The following COL4A2 variants were observed in gnomAD, a reference collection of about 807,000 sequenced individuals.
COL4A2 encodes collagen type IV alpha 2 chain.
COL4A2 carries 99 observed loss-of-function variants against 200.2 expected under a neutral mutation model. The observed-to-expected ratio is 0.49, with a 90% CI of 0.42 to 0.58. The LOEUF (loss-of-function observed/expected upper bound fraction) is 0.58, where lower values mean the gene tolerates loss of function less well. Ranked by LOEUF, COL4A2 falls within the 20% of genes least tolerant of loss-of-function variation. COL4A2 has a pLI of 0.00. For missense variants in COL4A2, 1,950 were observed against 2,314.1 expected, an observed-to-expected ratio of 0.84 and a Z score of 3.23; for synonymous variants, 897 against 900.6, an observed-to-expected ratio of 1.00 and a Z score of 0.07.
rs921242071 is a variant in COL4A2 at position 110,449,566 on chromosome 13, C to T, written c.1079-113C>T. 1.9e-4 allele frequency: 183 copies of T among 985,264 alleles called. 3 individuals carry two copies. Among genetic ancestry groups the T allele is most frequent in the South Asian group, 1.5e-3 (84 of 54,788 alleles). 61.0% of individuals were successfully genotyped at this position (985,264 alleles called of 1,614,324 possible). A position where few individuals can be genotyped will look rare whatever the true frequency, so the allele number is the denominator to read the frequency against. ...TAATCATCTTAACTCCTCATCAGGC[C>T]GCATACAGCATATGGAGCATTTGGT... On this transcript the variant is annotated intron_variant, in intron 18 of 47. Coordinates refer to ENST00000360467, the MANE Select transcript of COL4A2 (RefSeq NM_001846.4).
Position 110,484,948 on chromosome 13 carries a change from C to T in COL4A2, c.2946C>T (p.Ile982=), listed in dbSNP as rs748160701. 1 of 1,613,270 alleles carries T rather than the reference C, an allele frequency of 6.2e-7. No homozygotes were observed. The highest frequency in any genetic ancestry group is 8.5e-7 in the Non-Finnish European group (1 of 1,179,338). ...DPGPPGPPPV[I]LPGMKDIKGE... ...GGCCCCCAGGACCACCTCCTGTCAT[C>T]CTGCCAGGAATGAAAGACATTAAAG... Residue 982 remains isoleucine (I), a synonymous_variant, in exon 33 of 48, where the codon ATC becomes ATT. Transcript: ENST00000360467.
At chr13:110,354,338 G>A (rs1325553252) in intron 3 of COL4A2, among the ~76,000 whole-genome samples, 1 of 152,152 alleles carries the variant, frequency 6.6e-6, no homozygotes, top group Non-Finnish European at 1.5e-5. Flanking sequence ...TTGAGCTTTG[G>A]TGCTAAACTT....
intron 16 of COL4A2, among the ~76,000 whole-genome samples, chr13:110,443,044 A>C (rs1160082800): frequency 6.6e-6 from 1 of 152,156 alleles, no homozygotes; most frequent in African/African-American, 2.4e-5. Context: ...ACTTGGACTC[A>C]CCAGATGCAG....
chr13:110,505,454 G>A (rs1027482881), intron 45 of COL4A2, among the ~76,000 whole-genome samples: 1 of 152,186 alleles, frequency 6.6e-6, no homozygotes, highest in Non-Finnish European at 1.5e-5. Context: ...GGCAAATTAT[G>A]GGTAGTGTGG....
chr13:110,509,248 T>TATATATATAC (rs1441477576), intron 47 of COL4A2, among the ~76,000 whole-genome samples: 2 of 109,020 alleles, frequency 1.8e-5, no homozygotes, highest in Non-Finnish European at 3.6e-5. Flanking sequence ...TCATAAATTA[T>TATATATATAC]ATATATATAT....
chr13:110,337,328 G>T (rs1398792953), intron 3 of COL4A2, among the ~76,000 whole-genome samples: 2 of 152,246 alleles, frequency 1.3e-5, no homozygotes, highest in Non-Finnish European at 2.9e-5. Flanking sequence ...ATAAACGTAA[G>T]ATTTAAAATG....
intron 3 of COL4A2, among the ~76,000 whole-genome samples, chr13:110,340,471 T>C (rs897110524): frequency 6.6e-6 from 1 of 152,094 alleles, no homozygotes; most frequent in Non-Finnish European, 1.5e-5. Context: ...TCTAAAGATG[T>C]AAAAGAACAA....
chr13:110,503,512 G>A, intron 43 of COL4A2, 31 bp downstream of exon 43: 1 of 1,359,426 alleles, frequency 7.4e-7, no homozygotes. Flanking sequence ...TTCAGAGCTA[G>A]TGGCTCAGCC....
chr13:110,504,531 G>A lies in COL4A2; in HGVS notation c.4402+267G>A, dbSNP rs78924568. 0.011 allele frequency among the ~76,000 whole-genome samples: 1,689 copies of A among 152,256 alleles called. 23 individuals are homozygous for A. The highest frequency in any genetic ancestry group is 0.038 in the African/African-American group (1,597 of 41,512). On this transcript the variant is annotated intron_variant, in intron 45 of 47. Transcript: ENST00000360467. ...GCGGCAGGGATCAGTAGACTTCAAG[G>A]GTCAGGATTAGACAAGGAGCCAAAA...
At position 110,503,899 on chromosome 13, in the gene COL4A2, T is replaced by C; in HGVS notation, c.4191T>C (p.Ile1397=). 1 of 1,613,268 alleles carries C rather than the reference T, an allele frequency of 6.2e-7. No homozygotes were observed. The highest frequency in any genetic ancestry group is 8.5e-7 in the Non-Finnish European group (1 of 1,179,582). ...APGIAGIPQK[I]AVQPGTVGPQ... is the part of the protein sequence containing the mutation. ...GGATTGCAGGAATCCCCCAGAAGATTGCCGTCCAACCAGGGACAGTGGGTC... is the reference window on the plus strand; with the variant it reads ...GGATTGCAGGAATCCCCCAGAAGATCGCCGTCCAACCAGGGACAGTGGGTC... The change falls in exon 44 of 48, where the codon ATT becomes ATC. Residue 1397 remains isoleucine (I), a synonymous_variant. Coordinates refer to ENST00000360467, the MANE Select transcript of COL4A2 (RefSeq NM_001846.4).
At chr13:110,509,245 T>TTATATATATATATA (rs374846915) in intron 47 of COL4A2, among the ~76,000 whole-genome samples, 1,515 of 70,882 alleles carry the variant, frequency 0.021, 5 homozygotes, top group East Asian at 0.035. Context: ...ATTTCATAAA[T>TTATATATATATATA]TATATATATA....
intron 40 of COL4A2, among the ~76,000 whole-genome samples, chr13:110,500,342 C>G (rs1883600014): frequency 6.6e-6 from 1 of 152,200 alleles, no homozygotes; most frequent in Non-Finnish European, 1.5e-5. Context: ...GGTTCTAATA[C>G]TAATCTTGGT....
chr13:110,375,321 C>T (rs1006015308), intron 4 of COL4A2, among the ~76,000 whole-genome samples: 17 of 152,188 alleles, frequency 1.1e-4, no homozygotes, highest in African/African-American at 4.1e-4. Context: ...GAGAGATCAG[C>T]GCAGTGCCTG....
chr13:110,409,149 GTACA>G (rs2139438165), intron 4 of COL4A2, among the ~76,000 whole-genome samples: 1 of 150,810 alleles, frequency 6.6e-6, no homozygotes, highest in South Asian at 2.1e-4. Context: ...ACGCACACAT[GTACA>G]CACATGCACA....
At chr13:110,344,023 A>T (rs1876588936) in intron 3 of COL4A2, among the ~76,000 whole-genome samples, 1 of 152,230 alleles carries the variant, frequency 6.6e-6, no homozygotes, top group Non-Finnish European at 1.5e-5. Flanking sequence ...CGTATAAATA[A>T]TTAAAATTTA....
intron 20 of COL4A2, among the ~76,000 whole-genome samples, chr13:110,455,756 C>T (rs1460817138): frequency 6.6e-6 from 1 of 152,196 alleles, no homozygotes; most frequent in Non-Finnish European, 1.5e-5. Flanking sequence ...GACATTTATC[C>T]TCACCTGGCA....
chr13:110,374,093 G>A (rs7991436), intron 4 of COL4A2, among the ~76,000 whole-genome samples: 31,721 of 152,078 alleles, frequency 0.21, 3,441 homozygotes, highest in East Asian at 0.39. Context: ...TGAATTAGAG[G>A]AAAAAGGAGA....
intron 10 of COL4A2, among the ~76,000 whole-genome samples, chr13:110,431,728 T>C (rs1466380291): frequency 6.6e-6 from 1 of 152,232 alleles, no homozygotes; most frequent in Non-Finnish European, 1.5e-5. Flanking sequence ...ACATGAGCCA[T>C]GCAATCATCC....
intron 32 of COL4A2, among the ~76,000 whole-genome samples, chr13:110,484,156 C>T (rs1186811711): frequency 1.3e-5 from 2 of 152,008 alleles, no homozygotes; most frequent in Non-Finnish European, 2.9e-5. Flanking sequence ...ATTATTTCCT[C>T]GAGCCTCCTT....
Sources: allele counts gnomAD v4.1 joint callset (sites outside exome capture counted in the v4.1 genomes callset), GRCh38; gene constraint gnomAD v4.1.1; transcripts MANE v1.5; gene names NCBI Gene and HGNC (gene_info 2026-07-23, HGNC 2026-07-21).